EYS: variants seen among roughly 807,000 people sequenced by gnomAD.
The protein encoded by EYS is EGF-like photoreceptor maintenance factor.
In EYS, 250 loss-of-function variants were observed where a neutral mutation model predicts 282.1. That is an observed-to-expected ratio of 0.89 (90% CI 0.80 to 0.98). The LOEUF is 0.98. Among genes scored for constraint, EYS ranks in the 50% least tolerant of loss-of-function variants. The probability of loss-of-function intolerance (pLI) is 0.00; values close to 1 mark genes in which losing one functional copy is unlikely to be tolerated. For synonymous variants in EYS, 1,355 were observed against 1,282.9 expected (o/e 1.06, Z -1.20); for missense variants, 4,016 against 3,709.0 (o/e 1.08, Z -2.15).
At chr6:64,178,605 G>C (rs560775273) in intron 31 of EYS, among the ~76,000 whole-genome samples, 1 of 152,032 alleles carries the variant, frequency 6.6e-6, no homozygotes, top group African/African-American at 2.4e-5. Context: ...AGGAATCAGA[G>C]AGATGTGACC....
chr6:64,620,376 T>C (rs915695665), intron 23 of EYS, among the ~76,000 whole-genome samples: 1 of 152,112 alleles, frequency 6.6e-6, no homozygotes, highest in Non-Finnish European at 1.5e-5. Flanking sequence ...CATAGCTCCA[T>C]GACTTTTTTT....
intron 12 of EYS, among the ~76,000 whole-genome samples, chr6:65,150,267 T>G (rs58052317): frequency 0.042 from 6,363 of 152,122 alleles, 234 homozygotes; most frequent in African/African-American, 0.099. Context: ...TTTTTTCCCC[T>G]TTTTTCTTTT....
chr6:63,960,432 T>G (rs1766008906), intron 35 of EYS, among the ~76,000 whole-genome samples: 1 of 152,220 alleles, frequency 6.6e-6, no homozygotes, highest in Admixed American at 6.5e-5. Context: ...GAAGATGCTA[T>G]GAATATTGTT....
At chr6:64,966,637 T>C (rs1459852172) in intron 14 of EYS, among the ~76,000 whole-genome samples, 9 of 152,204 alleles carry the variant, frequency 5.9e-5, no homozygotes, top group Admixed American at 5.9e-4. Flanking sequence ...CCTTGGTTTA[T>C]GCCCACCTTT....
chr6:64,728,265 T>TAA (rs144021153), intron 22 of EYS, among the ~76,000 whole-genome samples: 10 of 149,950 alleles, frequency 6.7e-5, no homozygotes, highest in East Asian at 3.9e-4. Flanking sequence ...TAAACCTGTG[T>TAA]AAAAAAAAAA....
At chr6:64,749,437 C>G (rs1014660468) in intron 22 of EYS, among the ~76,000 whole-genome samples, 3 of 152,112 alleles carry the variant, frequency 2.0e-5, no homozygotes, top group African/African-American at 7.2e-5. Context: ...TTAGGGCCCA[C>G]TTGTTTAAGG....
chr6:64,588,780 C>T (rs1023927769), intron 26 of EYS, among the ~76,000 whole-genome samples: 1 of 151,932 alleles, frequency 6.6e-6, no homozygotes, highest in Non-Finnish European at 1.5e-5. Flanking sequence ...AGTGGATGAA[C>T]ATATTGGAAA....
chr6:64,392,568 T>G (rs964579076), intron 28 of EYS, among the ~76,000 whole-genome samples: 2 of 151,838 alleles, frequency 1.3e-5, no homozygotes, highest in African/African-American at 4.8e-5. Context: ...AAAGATGTTC[T>G]TTGAAACCAA....
chr6:63,927,706 ATC>A (rs1374577065), intron 35 of EYS, among the ~76,000 whole-genome samples: 1 of 152,222 alleles, frequency 6.6e-6, no homozygotes, highest in East Asian at 1.9e-4. Context: ...TTGCTGCTGA[ATC>A]TCTGGCTCAA....
At chr6:64,790,950 T>C (rs548091005) in intron 22 of EYS, among the ~76,000 whole-genome samples, 18 of 152,034 alleles carry the variant, frequency 1.2e-4, no homozygotes, top group South Asian at 4.1e-4. Flanking sequence ...AATTATACTT[T>C]AGAGTTCATT....
At chr6:65,135,662 A>AT (rs111931407) in intron 12 of EYS, among the ~76,000 whole-genome samples, 57,786 of 151,126 alleles carry the variant, frequency 0.38, 12,352 homozygotes, top group African/African-American at 0.58. Flanking sequence ...AATCTCATTC[A>AT]TTTTTTTTTA....
At chr6:64,169,350 A>C (rs999321798) in intron 31 of EYS, among the ~76,000 whole-genome samples, 8 of 152,060 alleles carry the variant, frequency 5.3e-5, no homozygotes, top group Non-Finnish European at 1.0e-4. Context: ...ATACAAGGAC[A>C]GGGAAGGCTG....
At chr6:63,855,133 T>A (rs1772358114) in intron 36 of EYS, among the ~76,000 whole-genome samples, 1 of 152,222 alleles carries the variant, frequency 6.6e-6, no homozygotes, top group African/African-American at 2.4e-5. Context: ...CCGCACATGG[T>A]GAATTCCTGA....
Position 64,000,105 on chromosome 6 carries a change from A to G in EYS, c.6726-922T>C, listed in dbSNP as rs545943714. Among the ~76,000 whole-genome samples the G allele has an allele frequency of 2.6e-3, 197 of 74,740 alleles. 2 individuals carry two copies. The highest frequency in any genetic ancestry group is 9.7e-3 in the African/African-American group (190 of 19,508). 49.0% of individuals were successfully genotyped at this position (74,740 alleles called of 152,430 possible). On this transcript the variant is annotated intron_variant, in intron 33 of 42. Coordinates refer to ENST00000503581, the MANE Select transcript of EYS (RefSeq NM_001142800.2). ...TGGACAACGATCAGACTTATTTTTTATTTTTTATTTCGATCAGACCTTCTT... is the reference window on the plus strand; with the variant it reads ...TGGACAACGATCAGACTTATTTTTTGTTTTTTATTTCGATCAGACCTTCTT...
chr6:65,337,235 A>T (rs73443160), intron 10 of EYS, among the ~76,000 whole-genome samples: 1 of 151,412 alleles, frequency 6.6e-6, no homozygotes, highest in South Asian at 2.1e-4. Context: ...TAGTTCTTTG[A>T]CATGAACAGA....
chr6:63,727,737 A>AAAAGAAAAATATATATATATATATAT (rs1554164607), intron 41 of EYS, among the ~76,000 whole-genome samples: 1 of 36,738 alleles, frequency 2.7e-5, no homozygotes, highest in Non-Finnish European at 4.3e-5. Context: ...AAAAAAAAAA[A>AAAAGAAAAATATATATATATATATAT]ATATATATAT....
chr6:64,693,959 T>C (rs1770489107), intron 22 of EYS, among the ~76,000 whole-genome samples: 1 of 152,124 alleles, frequency 6.6e-6, no homozygotes, highest in Admixed American at 6.6e-5. Flanking sequence ...CAATCCTATC[T>C]TTTAAAAAAT....
intron 33 of EYS, among the ~76,000 whole-genome samples, chr6:64,016,798 T>C (rs971549318): frequency 1.3e-5 from 2 of 152,082 alleles, no homozygotes; most frequent in African/African-American, 4.8e-5. Flanking sequence ...CTAATGAGGG[T>C]ATTGTACATT....
chr6:65,390,382 C>CAG (rs369504930), intron 7 of EYS, among the ~76,000 whole-genome samples: 20 of 148,590 alleles, frequency 1.3e-4, no homozygotes, highest in East Asian at 7.9e-4. Flanking sequence ...GAGAGAGAGT[C>CAG]AGAGAGAGAG....
Sources: gnomAD v4.1 joint callset for allele counts (sites outside exome capture counted in the v4.1 genomes callset) on GRCh38, gnomAD v4.1.1 for gene constraint, MANE v1.5 for transcripts, NCBI Gene and HGNC (gene_info 2026-07-23, HGNC 2026-07-21) for gene names.